The following SNX29 variants were observed in gnomAD, a reference collection of about 807,000 sequenced individuals.
SNX29 encodes the protein sorting nexin-29.
SNX29 carries 78 observed loss-of-function variants against 102.1 expected under a neutral mutation model. The ratio of observed to expected loss-of-function variants is 0.76; its 90% CI spans 0.64 to 0.92. The LOEUF is 0.92. Ranked by LOEUF, SNX29 falls within the 40% of genes least tolerant of loss-of-function variation. The probability of loss-of-function intolerance (pLI) is 0.00; values close to 1 mark genes in which losing one functional copy is unlikely to be tolerated. For synonymous variants in SNX29, 580 were observed against 414.5 expected (o/e 1.40, Z -4.85); for missense variants, 1,280 against 1,061.7 (o/e 1.21, Z -2.86).
intron 18 of SNX29, among the ~76,000 whole-genome samples, chr16:12,424,826 A>C (rs1486081445): frequency 6.6e-6 from 1 of 152,224 alleles, no homozygotes; most frequent in Non-Finnish European, 1.5e-5. Context: ...ATTAGGTTAT[A>C]GTAATGAGAG....
At chr16:12,536,929 T>A (rs2077102262) in intron 20 of SNX29, among the ~76,000 whole-genome samples, 1 of 152,052 alleles carries the variant, frequency 6.6e-6, no homozygotes. Flanking sequence ...TGAGCCGAGA[T>A]CACAGCACTG....
intron 13 of SNX29, among the ~76,000 whole-genome samples, chr16:12,151,139 C>T (rs913911706): frequency 5.3e-5 from 8 of 152,302 alleles, no homozygotes; most frequent in East Asian, 1.9e-4. Flanking sequence ...CCCCAGTCTT[C>T]GCAGTTACTC....
At position 12,379,537 on chromosome 16, in the gene SNX29, C is replaced by G. The variant is rs528492229; in HGVS notation, c.1900-18909C>G. Among the ~76,000 whole-genome samples, 5 of 152,332 alleles carry G rather than the reference C, an allele frequency of 3.3e-5. No individual in the cohort carries two copies. In the East Asian group the frequency reaches 9.6e-4, roughly 29 times the overall value. ...ATGGGTCCAGGACTGTGCCCTTTAG[C>G]CACTTTGACTCAGTTCCAAAAACAT... On this transcript the variant is annotated intron_variant, in intron 16 of 20. Transcript: ENST00000566228.
intron 1 of SNX29, among the ~76,000 whole-genome samples, chr16:11,989,690 A>T (rs1479375694): frequency 6.6e-6 from 1 of 152,178 alleles, no homozygotes; most frequent in Admixed American, 6.5e-5. Flanking sequence ...TCCTTCTGTG[A>T]TGGGAGAGAG....
intron 19 of SNX29, among the ~76,000 whole-genome samples, chr16:12,485,253 C>T (rs1036459175): frequency 6.6e-6 from 1 of 152,182 alleles, no homozygotes; most frequent in African/African-American, 2.4e-5. Flanking sequence ...GGTGAGCTGC[C>T]TGTCCAAATG....
At chr16:11,977,150 C>T in intron 1 of SNX29, 1 of 307,748 alleles carries the variant, frequency 3.2e-6, no homozygotes, top group Non-Finnish European at 5.9e-6. Flanking sequence ...GTCTCAGTCT[C>T]TCCTAACTCC....
chr16:12,365,412 G>A (rs1384741327), intron 16 of SNX29, among the ~76,000 whole-genome samples: 5 of 151,726 alleles, frequency 3.3e-5, no homozygotes, highest in East Asian at 1.9e-4. Context: ...TTCGGAGGCC[G>A]GGCGTGGTGG....
chr16:12,062,788 A>T (rs1349655390), intron 9 of SNX29, among the ~76,000 whole-genome samples: 1 of 151,228 alleles, frequency 6.6e-6, no homozygotes. Context: ...TCTTCCTGTC[A>T]CTTGGCAGGG....
chr16:12,041,274 G>T (rs1270836453), intron 4 of SNX29, among the ~76,000 whole-genome samples: 3 of 152,070 alleles, frequency 2.0e-5, no homozygotes, highest in African/African-American at 7.2e-5. Flanking sequence ...ACCATGCCTG[G>T]CTCATTATTG....
chr16:12,527,043 C>T (rs897031132), intron 20 of SNX29: 10 of 415,358 alleles, frequency 2.4e-5, no homozygotes, highest in Non-Finnish European at 3.7e-5. Context: ...AGTGTTGACA[C>T]TGGAATTTTG....
At chr16:12,265,129 T>C (rs1302588319) in intron 14 of SNX29, among the ~76,000 whole-genome samples, 1 of 152,186 alleles carries the variant, frequency 6.6e-6, no homozygotes. Context: ...GTCTGTAGAG[T>C]GCAGTTAGGG....
intron 11 of SNX29, among the ~76,000 whole-genome samples, chr16:12,104,445 A>T (rs150801163): frequency 4.6e-5 from 7 of 152,310 alleles, no homozygotes; most frequent in African/African-American, 1.7e-4. Flanking sequence ...AATCCCAGCT[A>T]TACAGGAGGC....
At chr16:12,069,929 C>T (rs565211870) in intron 10 of SNX29, among the ~76,000 whole-genome samples, 46 of 151,236 alleles carry the variant, frequency 3.0e-4, no homozygotes, top group Middle Eastern at 3.4e-3. Context: ...CCGCCCGCCT[C>T]GGCCTCCCAA....
At chr16:12,557,310 CAA>C (rs1357985954) in intron 20 of SNX29, 1 of 152,148 alleles carries the variant, frequency 6.6e-6, no homozygotes, top group African/African-American at 2.4e-5. Context: ...AATTTAGTGG[CAA>C]AGTCACCTTC....
chr16:12,560,790 C>T (rs765098978), intron 20 of SNX29: 9 of 177,126 alleles, frequency 5.1e-5, no homozygotes, highest in South Asian at 2.0e-4. Context: ...ATTTTCCATG[C>T]CCTTAAGATT....
chr16:12,320,756 A>G (rs1421967199), intron 15 of SNX29, among the ~76,000 whole-genome samples: 4 of 152,216 alleles, frequency 2.6e-5, no homozygotes, highest in Admixed American at 2.6e-4. Flanking sequence ...GCATTGTGAC[A>G]AAATGACACT....
rs2079233916 is a variant in SNX29 at position 12,573,689 on chromosome 16, C to G, written c.*5060C>G. The G allele has an allele frequency of 4.5e-6, 1 of 223,246 alleles. No homozygotes were observed. The highest frequency in any genetic ancestry group is 8.9e-6 in the Non-Finnish European group (1 of 111,746). 13.8% of individuals were successfully genotyped at this position (223,246 alleles called of 1,614,324 possible). The stretch of plus-strand genomic sequence containing the variant: ...GTAGGTAAGACAGAGGATGCCCTTG[C>G]AAAAATTGGGACTGAGGACAGTAGC... On this transcript the variant is annotated 3_prime_UTR_variant, in exon 21 of 21. Coordinates refer to ENST00000566228, the MANE Select transcript of SNX29 (RefSeq NM_032167.5).
chr16:12,406,397 G>T (rs1371414749), intron 18 of SNX29, among the ~76,000 whole-genome samples: 1 of 152,198 alleles, frequency 6.6e-6, no homozygotes, highest in Non-Finnish European at 1.5e-5. Context: ...GGATAGAGTA[G>T]ACAATCCCCA....
At chr16:12,028,586 A>G (rs1166422666) in intron 4 of SNX29, among the ~76,000 whole-genome samples, 1 of 151,732 alleles carries the variant, frequency 6.6e-6, no homozygotes, top group African/African-American at 2.4e-5. Context: ...CTGGTCTCAA[A>G]CTCCTAGGCT....
Sources: gnomAD v4.1 joint callset for allele counts (sites outside exome capture counted in the v4.1 genomes callset) on GRCh38, gnomAD v4.1.1 for gene constraint, MANE v1.5 for transcripts, NCBI Gene and HGNC (gene_info 2026-07-23, HGNC 2026-07-21) for gene names.